Variants in SPSB1 observed in about 807,000 individuals in gnomAD.
The protein encoded by SPSB1 is splA/ryanodine receptor domain and SOCS box containing 1.
A neutral mutation model predicts 21.2 loss-of-function variants in SPSB1; 8 were observed. The observed-to-expected ratio is 0.38, with a 90% CI of 0.22 to 0.68. The LOEUF is 0.68. Among genes scored for constraint, SPSB1 ranks in the 30% least tolerant of loss-of-function variants. SPSB1 has a pLI of 0.53. For synonymous variants in SPSB1, 169 were observed against 161.7 expected (o/e 1.05, Z -0.34); for missense variants, 242 against 377.8 (o/e 0.64, Z 2.98).
At chr1:9,343,430 A>G (rs1334708346) in intron 1 of SPSB1, among the ~76,000 whole-genome samples, 2 of 152,208 alleles carry the variant, frequency 1.3e-5, no homozygotes, top group Admixed American at 6.5e-5. Flanking sequence ...TGTATCATGC[A>G]CTAGTACTTT....
intron 1 of SPSB1, among the ~76,000 whole-genome samples, chr1:9,299,679 A>G (rs181100488): frequency 1.2e-4 from 19 of 152,126 alleles, no homozygotes; most frequent in African/African-American, 4.3e-4. Context: ...GGGTTTCACT[A>G]TGTTGGTCAG....
At chr1:9,354,806 A>G (rs1038084412) in intron 1 of SPSB1, among the ~76,000 whole-genome samples, 8 of 152,044 alleles carry the variant, frequency 5.3e-5, no homozygotes, top group African/African-American at 1.9e-4. Context: ...GTCTCAAAAA[A>G]AAAAAGAATT....
chr1:9,297,215 A>G (rs1411109886), intron 1 of SPSB1, among the ~76,000 whole-genome samples: 2 of 152,210 alleles, frequency 1.3e-5, no homozygotes, highest in African/African-American at 4.8e-5. Flanking sequence ...GGGTGGAGGA[A>G]TCCAAGAACC....
intron 1 of SPSB1, among the ~76,000 whole-genome samples, chr1:9,352,503 C>T (rs531230188): frequency 5.3e-5 from 8 of 152,258 alleles, no homozygotes; most frequent in Non-Finnish European, 7.4e-5. Context: ...TGCTTTTGTG[C>T]GACAACAGCA....
rs1192000590 is a variant in SPSB1 at position 9,321,597 on chromosome 1, G to A, written c.-150+28526G>A. ...AGTGAGGGAGACCGATGCATAGGCA[G>A]CTCGCTAATGCTGTGTTTCATCACA... On this transcript the variant is annotated intron_variant, in intron 1 of 2. Coordinates refer to ENST00000328089, the MANE Select transcript of SPSB1 (RefSeq NM_025106.4). This position sits in a 1 kb window ranked among gnomAD's most constrained non-coding sequence, Gnocchi z 4.8. 6.6e-6 allele frequency among the ~76,000 whole-genome samples: 1 copy of A among 152,162 alleles called. No homozygotes were observed. The highest frequency in any genetic ancestry group is 2.4e-5 in the African/African-American group (1 of 41,414).
At chr1:9,351,239 C>A (rs1640254527) in intron 1 of SPSB1, among the ~76,000 whole-genome samples, 1 of 152,218 alleles carries the variant, frequency 6.6e-6, no homozygotes, top group Non-Finnish European at 1.5e-5. Context: ...TTTGCTGACC[C>A]CTGGTTTAGA....
At chr1:9,350,944 G>T (rs1179671409) in intron 1 of SPSB1, among the ~76,000 whole-genome samples, 2 of 152,238 alleles carry the variant, frequency 1.3e-5, no homozygotes, top group African/African-American at 4.8e-5. Context: ...CTGGCCCAGG[G>T]ATGTCTGTCT....
At chr1:9,336,275 T>C (rs917810364) in intron 1 of SPSB1, among the ~76,000 whole-genome samples, 18 of 152,194 alleles carry the variant, frequency 1.2e-4, no homozygotes, top group African/African-American at 4.1e-4. Flanking sequence ...TTGCCCAGGC[T>C]GGAGTGCAAT....
At position 9,337,522 on chromosome 1, in the gene SPSB1, G is replaced by A. The variant is rs376423233; in HGVS notation, c.-149-18221G>A. Among the ~76,000 whole-genome samples the A allele has an allele frequency of 1.6e-4, 25 of 152,262 alleles. No individual in the cohort carries two copies. The East Asian group carries it at 4.3e-3, about 26-fold the overall frequency. ...GGATGGGAGAACAGGGTGAGGCTGG[G>A]GGTAGGGGAGGGGTGCACCCTAACC... On this transcript the variant is annotated intron_variant, in intron 1 of 2. Transcript: ENST00000328089.
chr1:9,360,535 G>A (rs1640453622), intron 2 of SPSB1, among the ~76,000 whole-genome samples: 1 of 152,146 alleles, frequency 6.6e-6, no homozygotes, highest in South Asian at 2.1e-4. Flanking sequence ...TAGCGGGCTC[G>A]ACTGCCTCCG....
At chr1:9,362,157 T>C (rs1324322857) in intron 2 of SPSB1, among the ~76,000 whole-genome samples, 1 of 152,014 alleles carries the variant, frequency 6.6e-6, no homozygotes, top group African/African-American at 2.4e-5. Flanking sequence ...GGGAGACTGA[T>C]ACACCGCCAC....
At chr1:9,308,375 G>A (rs554943794) in intron 1 of SPSB1, among the ~76,000 whole-genome samples, 11 of 152,304 alleles carry the variant, frequency 7.2e-5, no homozygotes, top group South Asian at 4.1e-4. Flanking sequence ...CCGGAGCCAC[G>A]GTGCCCTGAC....
intron 1 of SPSB1, among the ~76,000 whole-genome samples, chr1:9,340,910 C>T (rs970391302): frequency 6.6e-6 from 1 of 152,140 alleles, no homozygotes; most frequent in Non-Finnish European, 1.5e-5. Flanking sequence ...TGCGGGGAGG[C>T]AGAGTGGGAA....
rs186809930 is a variant in SPSB1 at position 9,307,319 on chromosome 1, G to A, written c.-150+14248G>A. Among the ~76,000 whole-genome samples the A allele has an allele frequency of 6.8e-4, 103 of 152,238 alleles. 1 individual carries two copies. The highest frequency in any genetic ancestry group is 1.1e-3 in the Non-Finnish European group (73 of 68,020). On this transcript the variant is annotated intron_variant, in intron 1 of 2. Transcript: ENST00000328089. ...TGGCATTTGGTATATTCACAATGTC[G>A]TGCAACTATCCCCTCTGTCTAGTTC...
At chr1:9,295,657 G>A (rs72858142) in intron 1 of SPSB1, among the ~76,000 whole-genome samples, 2,662 of 152,246 alleles carry the variant, frequency 0.017, 84 homozygotes, top group African/African-American at 0.06. Flanking sequence ...GGCCTAGCCC[G>A]TGGAAGCCAG....
chr1:9,330,953 TA>T (rs965533225), intron 1 of SPSB1, among the ~76,000 whole-genome samples: 23 of 151,274 alleles, frequency 1.5e-4, no homozygotes, highest in Admixed American at 9.9e-4. Context: ...TTTACATACT[TA>T]AAAAAAAATC....
chr1:9,304,057 C>A (rs1273864529), intron 1 of SPSB1, among the ~76,000 whole-genome samples: 1 of 152,286 alleles, frequency 6.6e-6, no homozygotes, highest in South Asian at 2.1e-4. Flanking sequence ...GGTCAGCCAC[C>A]GTCCAATCAG....
intron 2 of SPSB1, among the ~76,000 whole-genome samples, chr1:9,361,241 G>A (rs1026244281): frequency 7.0e-6 from 1 of 143,704 alleles, no homozygotes; most frequent in African/African-American, 2.6e-5. Context: ...GCTCCTAAGT[G>A]GTCCTCCTGC....
chr1:9,318,641 CCAAA>C (rs1171750597), intron 1 of SPSB1, among the ~76,000 whole-genome samples: 3 of 152,224 alleles, frequency 2.0e-5, no homozygotes, highest in Non-Finnish European at 4.4e-5. Context: ...GCAGGATTGA[CCAAA>C]GCCAGACCGT....
Sources: gnomAD v4.1 joint callset for allele counts (sites outside exome capture counted in the v4.1 genomes callset) on GRCh38, gnomAD v4.1.1 for gene constraint, Gnocchi (gnomAD v3.1) non-coding constraint, MANE v1.5 for transcripts, NCBI Gene and HGNC (gene_info 2026-07-23, HGNC 2026-07-21) for gene names.